The following USP20 variants were observed in gnomAD, a reference collection of about 807,000 sequenced individuals.
USP20 encodes ubiquitin specific peptidase 20, also known as ubiquitin carboxyl-terminal hydrolase 20.
A neutral mutation model predicts 124.2 loss-of-function variants in USP20; 80 were observed. The ratio of observed to expected loss-of-function variants is 0.64; its 90% CI spans 0.54 to 0.78. The LOEUF is 0.78. Among genes scored for constraint, USP20 ranks in the 30% least tolerant of loss-of-function variants. The pLI is 0.00. For synonymous variants in USP20, 481 were observed against 512.3 expected (o/e 0.94, Z 0.83); for missense variants, 1,043 against 1,244.4 (o/e 0.84, Z 2.44).
rs35809246 is a variant in USP20, at chr9:129,846,247, A to ATTTTT, written c.-128-3544_-128-3540dup. Reference sequence around the variant, plus strand: ...CCCAGCCATATATATATATATATATATTTTTTTTTTTTTTTTTTTTTTTTT... The same window carrying ATTTTT: ...CCCAGCCATATATATATATATATATATTTTTTTTTTTTTTTTTTTTTTTTTTTTTT... On this transcript the variant is annotated intron_variant, in intron 1 of 25. Coordinates refer to ENST00000372429, the MANE Select transcript of USP20 (RefSeq NM_001110303.4). Among the ~76,000 whole-genome samples, 78 of 32,682 alleles carry ATTTTT rather than the reference A, an allele frequency of 2.4e-3. 2 individuals are homozygous for ATTTTT. Among genetic ancestry groups the ATTTTT allele is most frequent in the South Asian group, 3.8e-3 (2 of 528 alleles). The allele number at this position is 32,682 out of a possible 152,430, so 21.4% of individuals were successfully genotyped here. A position where few individuals can be genotyped will look rare whatever the true frequency, so the allele number is the denominator to read the frequency against.
At chr9:129,875,043 C>A in intron 19 of USP20, 88 bp downstream of exon 19, 1 of 1,519,138 alleles carries the variant, frequency 6.6e-7, no homozygotes, top group Non-Finnish European at 8.8e-7. Flanking sequence ...TAGGGGACAG[C>A]GCCTGGATTA....
In USP20 at chr9:129,876,259, C is replaced by T. The variant is rs773261995; in HGVS notation, c.2409+21C>T. 2.3e-5 allele frequency: 36 copies of T among 1,591,108 alleles called. No homozygotes were observed. The Middle Eastern group carries it at 5.0e-4, about 22-fold the overall frequency. On this transcript the variant is annotated intron_variant, in intron 22 of 25. Coordinates refer to ENST00000372429, the MANE Select transcript of USP20 (RefSeq NM_001110303.4). ...TCAAGGTGCGTGCGGCGAGGCGGCG[C>T]GGGGGCGGCTCTGCCAGCCTCTGCC... is the stretch of plus-strand genomic sequence containing the variant.
Position 129,839,448 on chromosome 9 carries a change from C to T in USP20, c.-129+3949C>T, listed in dbSNP as rs980212341. ...ATGGGGAGGCCTGAGGGCTCTGCTT[C>T]GAGAGTCAGAGGATGGTGGCCTCCG... On this transcript the variant is annotated intron_variant, in intron 1 of 25. Transcript: ENST00000372429. This position sits in a 1 kb window ranked among gnomAD's most constrained non-coding sequence, Gnocchi z 4.5. 1.3e-5 allele frequency among the ~76,000 whole-genome samples: 2 copies of T among 151,994 alleles called. No individual in the cohort carries two copies. The highest frequency in any genetic ancestry group is 1.9e-4 in the East Asian group (1 of 5,178).
intron 5 of USP20, 117 bp from the exon 6 acceptor site, chr9:129,858,350 G>C (rs932653001): frequency 6.7e-7 from 1 of 1,484,256 alleles, no homozygotes; most frequent in Non-Finnish European, 9.3e-7. Flanking sequence ...TTGAGCTTCC[G>C]GCCTCTGTCC....
In USP20 at chr9:129,874,572, G is replaced by A. The variant is rs184778032; in HGVS notation, c.1741-4G>A. 2.0e-5 allele frequency: 32 copies of A among 1,613,256 alleles called. No homozygotes were observed. The highest frequency in any genetic ancestry group is 3.3e-4 in the Middle Eastern group (2 of 6,062). On this transcript the variant is annotated splice_region_variant and splice_polypyrimidine_tract_variant and intron_variant, in intron 17 of 25. Transcript: ENST00000372429. ...GATGACCGGCGCTCTCTCTGTCCCC[G>A]CAGATCCTGTGCATTCACCTAAAGC...
At chr9:129,869,112 C>T (rs1197733027) in intron 12 of USP20, 110 bp downstream of exon 12, 21 of 1,453,906 alleles carry the variant, frequency 1.4e-5, no homozygotes, top group Non-Finnish European at 9.2e-7. Context: ...ATGGGCTCCT[C>T]TCAGGTACAC....
chr9:129,859,973 A>C (rs1340154778), intron 6 of USP20, among the ~76,000 whole-genome samples: 1 of 152,136 alleles, frequency 6.6e-6, no homozygotes, highest in East Asian at 1.9e-4. Context: ...TCAAGGTTGC[A>C]GTGAGCTATA....
intron 1 of USP20, among the ~76,000 whole-genome samples, chr9:129,843,537 C>G (rs561875784): frequency 1.3e-5 from 2 of 152,034 alleles, no homozygotes; most frequent in Non-Finnish European, 2.9e-5. Flanking sequence ...GAGTTCAAGA[C>G]CAGCCTGACC....
At chr9:129,858,655 C>G in intron 6 of USP20, 57 bp downstream of exon 6, 1 of 1,592,462 alleles carries the variant, frequency 6.3e-7, no homozygotes, top group Non-Finnish European at 8.5e-7. Context: ...GAGGATGAGG[C>G]AGTGTGACCT....
At chr9:129,842,156 C>T (rs1412558543) in intron 1 of USP20, among the ~76,000 whole-genome samples, 3 of 152,132 alleles carry the variant, frequency 2.0e-5, no homozygotes, top group African/African-American at 7.2e-5. Context: ...TAGGTGCTGT[C>T]ATTGTCCCCA....
At chr9:129,852,409 T>C in intron 2 of USP20, 131 bp from the exon 3 acceptor site, 2 of 713,458 alleles carry the variant, frequency 2.8e-6, no homozygotes, top group Non-Finnish European at 4.7e-6. Context: ...GTTAAGCAAC[T>C]TCCCTGCGTT....
chr9:129,842,525 T>C (rs760154704), intron 1 of USP20, among the ~76,000 whole-genome samples: 17 of 152,122 alleles, frequency 1.1e-4, no homozygotes, highest in Admixed American at 9.2e-4. Context: ...ATGATAACTT[T>C]CAGACAGCTG....
intron 1 of USP20, among the ~76,000 whole-genome samples, chr9:129,840,740 C>G (rs1588235878): frequency 6.6e-6 from 1 of 150,536 alleles, no homozygotes; most frequent in Admixed American, 6.7e-5. Context: ...CATACATAAC[C>G]AAAGCGTGAG....
rs991052449 is a variant in USP20, at chr9:129,868,336, C to T, written c.1022C>T (p.Ser341Leu). Reference protein sequence around the residue: ...KFSWGQQRTNSEQVDEDADVD... With the variant: ...KFSWGQQRTNLEQVDEDADVD... Reference sequence around the variant, plus strand: ...TCCTGGGGCCAGCAGCGTACAAACTCGGAGCAAGTGGACGAGGACGCTGAT... The same window carrying T: ...TCCTGGGGCCAGCAGCGTACAAACTTGGAGCAAGTGGACGAGGACGCTGAT... The change falls in exon 11 of 26, where the codon TCG becomes TTG. Residue 341 changes from serine (S) to leucine (L), a missense_variant. Transcript: ENST00000372429. 12 of 1,613,452 alleles carry T rather than the reference C, an allele frequency of 7.4e-6. No individual in the cohort carries two copies. The highest frequency in any genetic ancestry group is 2.2e-5 in the East Asian group (1 of 44,856).
chr9:129,841,865 C>T (rs1434615735), intron 1 of USP20, among the ~76,000 whole-genome samples: 1 of 152,202 alleles, frequency 6.6e-6, no homozygotes, highest in Non-Finnish European at 1.5e-5. Flanking sequence ...ATCACCATGG[C>T]GCCTGTTCGT....
At position 129,863,401 on chromosome 9, in the gene USP20, A is replaced by G. The variant is rs2033652278; in HGVS notation, c.611+102A>G. 3.4e-6 allele frequency: 3 copies of G among 882,324 alleles called. No individual in the cohort carries two copies. In the East Asian group the frequency reaches 8.6e-5, roughly 25 times the overall value. The allele number at this position is 882,324 out of a possible 1,614,324, so 54.7% of individuals were successfully genotyped here. ...CCTGTGGATTCAGCCCCCAGCGAGGACTTGCCTCACTTTGTCCCGGGTAAT... is the reference window on the plus strand; with the variant it reads ...CCTGTGGATTCAGCCCCCAGCGAGGGCTTGCCTCACTTTGTCCCGGGTAAT... On this transcript the variant is annotated intron_variant, in intron 9 of 25. Coordinates refer to ENST00000372429, the MANE Select transcript of USP20 (RefSeq NM_001110303.4).
In USP20 at chr9:129,863,935, GT is replaced by G. The variant is rs557339336; in HGVS notation, c.611+637del. On this transcript the variant is annotated intron_variant, in intron 9 of 25. Transcript: ENST00000372429. The stretch of plus-strand genomic sequence containing the variant: ...GTTCTGGCCAACATGGTGAAACCCC[GT>G]GTCTAATAAAAATACAAAAATTAGC... Among the ~76,000 whole-genome samples the G allele has an allele frequency of 2.1e-3, 325 of 152,036 alleles. 3 individuals are homozygous for G. The highest frequency in any genetic ancestry group is 7.6e-3 in the African/African-American group (314 of 41,464).
At chr9:129,873,557 T>A in intron 16 of USP20, 42 bp downstream of exon 16, 1 of 1,614,138 alleles carries the variant, frequency 6.2e-7, no homozygotes, top group Non-Finnish European at 8.5e-7. Context: ...CTGCCGTTTC[T>A]GTGCCCTACA....
At chr9:129,870,234 A>G in intron 14 of USP20, 4 of 588,420 alleles carry the variant, frequency 6.8e-6, no homozygotes, top group Non-Finnish European at 1.2e-5. Flanking sequence ...CGCAACACAG[A>G]TGAAGGAGGC....
Sources: gnomAD v4.1 joint callset for allele counts (sites outside exome capture counted in the v4.1 genomes callset) on GRCh38, gnomAD v4.1.1 for gene constraint, Gnocchi (gnomAD v3.1) non-coding constraint, MANE v1.5 for transcripts, NCBI Gene and HGNC (gene_info 2026-07-23, HGNC 2026-07-21) for gene names.